The following AIG1 variants were observed in gnomAD, a reference collection of about 807,000 sequenced individuals.
AIG1 encodes androgen-induced gene 1 protein.
In AIG1, 23 loss-of-function variants were observed where a neutral mutation model predicts 31.4. The observed-to-expected ratio is 0.73, with a 90% CI of 0.53 to 1.04. The LOEUF is 1.04. Among genes scored for constraint, AIG1 ranks in the 50% least tolerant of loss-of-function variants. AIG1 has a pLI of 0.00. For missense variants in AIG1, 274 were observed against 295.0 expected, an observed-to-expected ratio of 0.93 and a Z score of 0.52; for synonymous variants, 100 against 110.5, an observed-to-expected ratio of 0.90 and a Z score of 0.60.
At chr6:143,130,997 A>G (rs370899571) in intron 1 of AIG1, among the ~76,000 whole-genome samples, 2 of 152,186 alleles carry the variant, frequency 1.3e-5, no homozygotes, top group African/African-American at 4.8e-5. Context: ...ATGTTAGTGT[A>G]GTTACTTCAG....
chr6:143,097,156 TTTTG>T, intron 1 of AIG1, among the ~76,000 whole-genome samples: 1 of 152,202 alleles, frequency 6.6e-6, no homozygotes, highest in Non-Finnish European at 1.5e-5. Flanking sequence ...AAGTGAAGTT[TTTTG>T]TTTTTTTTTT....
chr6:143,134,381 T>G (rs1176334057), intron 1 of AIG1, among the ~76,000 whole-genome samples: 1 of 151,024 alleles, frequency 6.6e-6, no homozygotes, highest in East Asian at 2.0e-4. Context: ...ATTGTCAGAA[T>G]TCTTTCCTGG....
At chr6:143,121,319 C>A (rs1298540306) in intron 1 of AIG1, among the ~76,000 whole-genome samples, 1 of 152,196 alleles carries the variant, frequency 6.6e-6, no homozygotes, top group Non-Finnish European at 1.5e-5. Flanking sequence ...TATGTGATTT[C>A]TTCCAGCATT....
chr6:143,244,499 G>C (rs1351677511), intron 3 of AIG1, among the ~76,000 whole-genome samples: 2 of 152,198 alleles, frequency 1.3e-5, no homozygotes, highest in African/African-American at 2.4e-5. Context: ...TGAATTCACA[G>C]CACACTGAGT....
intron 1 of AIG1, among the ~76,000 whole-genome samples, chr6:143,065,749 CA>C (rs1410912172): frequency 6.6e-6 from 1 of 152,206 alleles, no homozygotes; most frequent in East Asian, 1.9e-4. Context: ...AAAAATGTAT[CA>C]ACCAGAACAT....
chr6:143,141,923 C>CAAAT (rs888012105), intron 2 of AIG1, among the ~76,000 whole-genome samples: 2 of 151,188 alleles, frequency 1.3e-5, no homozygotes, highest in Admixed American at 6.6e-5. Context: ...GCAGAAACAG[C>CAAAT]AAATAAATAA....
At chr6:143,063,386 A>G (rs1776421441) in intron 1 of AIG1, among the ~76,000 whole-genome samples, 1 of 152,224 alleles carries the variant, frequency 6.6e-6, no homozygotes, top group Admixed American at 6.5e-5. Flanking sequence ...TTGAAACATA[A>G]TAATTATCTT....
intron 2 of AIG1, among the ~76,000 whole-genome samples, chr6:143,145,932 A>T (rs1202215862): frequency 6.6e-6 from 1 of 152,228 alleles, no homozygotes; most frequent in Non-Finnish European, 1.5e-5. Context: ...CATTTTTAGT[A>T]CATTCTTACC....
chr6:143,104,607 A>G (rs1473388707), intron 1 of AIG1, among the ~76,000 whole-genome samples: 1 of 152,194 alleles, frequency 6.6e-6, no homozygotes, highest in African/African-American at 2.4e-5. Flanking sequence ...AAACATAGAA[A>G]CTATAGAATA....
chr6:143,273,953 A>T (rs1796717986), intron 3 of AIG1, among the ~76,000 whole-genome samples: 1 of 152,148 alleles, frequency 6.6e-6, no homozygotes, highest in African/African-American at 2.4e-5. Flanking sequence ...GGTAGCACAA[A>T]TCTCAGAAAG....
At chr6:143,127,037 A>G (rs1043208820) in intron 1 of AIG1, among the ~76,000 whole-genome samples, 1 of 152,212 alleles carries the variant, frequency 6.6e-6, no homozygotes, top group African/African-American at 2.4e-5. Flanking sequence ...ATCTAGACAT[A>G]TGTGACTTTT....
intron 2 of AIG1, among the ~76,000 whole-genome samples, chr6:143,142,241 T>TA (rs920935716): frequency 3.3e-5 from 5 of 151,964 alleles, no homozygotes; most frequent in East Asian, 1.9e-4. Context: ...CCTGCTAAGT[T>TA]AAAAAAATTA....
chr6:143,312,075 G>C (rs1224414861), intron 4 of AIG1, among the ~76,000 whole-genome samples: 2 of 151,952 alleles, frequency 1.3e-5, no homozygotes, highest in Non-Finnish European at 2.9e-5. Context: ...ACAAAAAGCG[G>C]AAGGATATTC....
At chr6:143,092,625 G>T (rs909789850) in intron 1 of AIG1, among the ~76,000 whole-genome samples, 7 of 152,224 alleles carry the variant, frequency 4.6e-5, no homozygotes, top group Middle Eastern at 6.8e-3. Context: ...TCAGTAGTGG[G>T]CTTAAAATAT....
rs12055523 is a variant in AIG1 at position 143,247,938 on chromosome 6, A to G, written c.400-36172A>G. On this transcript the variant is annotated intron_variant, in intron 3 of 5. Coordinates refer to ENST00000357847, the MANE Select transcript of AIG1 (RefSeq NM_016108.4). ...TCCTCTGGTTTTTCCTTACAAAAACATGAGAGCCTCACTGAACACCGTCTA... is the reference window on the plus strand; with the variant it reads ...TCCTCTGGTTTTTCCTTACAAAAACGTGAGAGCCTCACTGAACACCGTCTA... 9.4e-3 allele frequency among the ~76,000 whole-genome samples: 1,434 copies of G among 152,280 alleles called. 41 individuals carry two copies. The highest frequency in any genetic ancestry group is 0.064 in the East Asian group (333 of 5,166).
intron 3 of AIG1, among the ~76,000 whole-genome samples, chr6:143,203,449 A>T (rs891685196): frequency 6.6e-6 from 1 of 152,218 alleles, no homozygotes; most frequent in Non-Finnish European, 1.5e-5. Flanking sequence ...GACTTTCCAC[A>T]TTAATTTCAA....
intron 1 of AIG1, among the ~76,000 whole-genome samples, chr6:143,103,505 T>C (rs1420162415): frequency 2.9e-5 from 4 of 137,770 alleles, no homozygotes; most frequent in South Asian, 2.5e-4. Flanking sequence ...AGTTTTCTTT[T>C]TTTTTTTTTT....
Position 143,200,073 on chromosome 6 carries a change from G to A in AIG1, c.399+34890G>A, listed in dbSNP as rs1790573858. On this transcript the variant is annotated intron_variant, in intron 3 of 5. Coordinates refer to ENST00000357847, the MANE Select transcript of AIG1 (RefSeq NM_016108.4). ...ATGTCTCATTAGAGTAAATCAGGAA[G>A]TAAAGAGGATCTGACTGAGAAAATT... Among the ~76,000 whole-genome samples, 2 of 152,182 alleles carry A rather than the reference G, an allele frequency of 1.3e-5. 1 individual carries two copies. The highest frequency in any genetic ancestry group is 4.1e-4 in the South Asian group (2 of 4,828).
At chr6:143,324,574 A>G (rs945190037) in intron 4 of AIG1, among the ~76,000 whole-genome samples, 2 of 152,230 alleles carry the variant, frequency 1.3e-5, no homozygotes, top group African/African-American at 2.4e-5. Flanking sequence ...TGAAATGTGT[A>G]TCTCAGATTC....
Sources: gnomAD v4.1 joint callset for allele counts (sites outside exome capture counted in the v4.1 genomes callset) on GRCh38, gnomAD v4.1.1 for gene constraint, MANE v1.5 for transcripts, NCBI Gene and HGNC (gene_info 2026-07-23, HGNC 2026-07-21) for gene names.